Variants in CHSY3 observed in about 807,000 individuals in gnomAD.
CHSY3 encodes chondroitin sulfate synthase 3.
In CHSY3, 35 loss-of-function variants were observed where a neutral mutation model predicts 67.2. The ratio of observed to expected loss-of-function variants is 0.52; its 90% CI spans 0.40 to 0.69. CHSY3 has a LOEUF of 0.69. Among genes scored for constraint, CHSY3 ranks in the 30% least tolerant of loss-of-function variants. The pLI, the probability that CHSY3 is intolerant of heterozygous loss-of-function variation, is 0.00. For synonymous variants in CHSY3, 474 were observed against 434.7 expected (o/e 1.09, Z -1.12); for missense variants, 1,069 against 1,138.5 (o/e 0.94, Z 0.88).
intron 2 of CHSY3, among the ~76,000 whole-genome samples, chr5:130,052,846 A>G (rs1765406612): frequency 6.6e-6 from 1 of 152,156 alleles, no homozygotes; most frequent in Non-Finnish European, 1.5e-5. Context: ...GCTACATAAG[A>G]CAGAAAAATG....
chr5:129,984,436 C>T (rs990116577), intron 2 of CHSY3, among the ~76,000 whole-genome samples: 1 of 151,988 alleles, frequency 6.6e-6, no homozygotes, highest in Non-Finnish European at 1.5e-5. Flanking sequence ...CCATTGATGG[C>T]CATATAGGTT....
At chr5:129,913,568 T>C (rs565613453) in intron 2 of CHSY3, among the ~76,000 whole-genome samples, 1 of 152,296 alleles carries the variant, frequency 6.6e-6, no homozygotes, top group East Asian at 1.9e-4. Context: ...TGTTTTTTGA[T>C]TTTGTTTTTA....
intron 2 of CHSY3, among the ~76,000 whole-genome samples, chr5:129,911,025 A>G (rs568366855): frequency 6.8e-6 from 1 of 146,554 alleles, no homozygotes; most frequent in South Asian, 2.1e-4. Context: ...AAGTTCTTTC[A>G]GAGTTGAGAG....
At chr5:130,030,127 G>GT (rs1395868100) in intron 2 of CHSY3, among the ~76,000 whole-genome samples, 1 of 152,000 alleles carries the variant, frequency 6.6e-6, no homozygotes, top group East Asian at 1.9e-4. Flanking sequence ...ATGGTATGCT[G>GT]TTTTTTATTA....
At chr5:129,937,315 A>G (rs1245965409) in intron 2 of CHSY3, among the ~76,000 whole-genome samples, 3 of 152,158 alleles carry the variant, frequency 2.0e-5, no homozygotes, top group African/African-American at 4.8e-5. Context: ...AGTGCTACAC[A>G]CTTTGAAACA....
At chr5:129,974,502 G>A (rs1447053565) in intron 2 of CHSY3, among the ~76,000 whole-genome samples, 1 of 152,024 alleles carries the variant, frequency 6.6e-6, no homozygotes, top group Non-Finnish European at 1.5e-5. Context: ...GGAATTCTTT[G>A]TCTCCGCTGA....
chr5:130,016,665 TC>T (rs1370841839), intron 2 of CHSY3, among the ~76,000 whole-genome samples: 1 of 152,220 alleles, frequency 6.6e-6, no homozygotes, highest in Non-Finnish European at 1.5e-5. Flanking sequence ...CGCCTTGGCC[TC>T]CCGAAGTGCT....
intron 2 of CHSY3, among the ~76,000 whole-genome samples, chr5:129,960,516 A>T (rs542158418): frequency 6.6e-6 from 1 of 152,050 alleles, no homozygotes; most frequent in South Asian, 2.1e-4. Context: ...GCCAGTCATC[A>T]TGCTACATTT....
chr5:130,141,830 TA>T (rs1768876437), intron 2 of CHSY3: 1 of 376,900 alleles, frequency 2.7e-6, no homozygotes, highest in Non-Finnish European at 5.2e-6. Context: ...TGCAACCACA[TA>T]ATTACCAACC....
chr5:129,928,649 A>G (rs1344319252), intron 2 of CHSY3, among the ~76,000 whole-genome samples: 3 of 152,160 alleles, frequency 2.0e-5, no homozygotes, highest in Non-Finnish European at 4.4e-5. Flanking sequence ...TAGAATTAAA[A>G]CTATGCTAAA....
intron 2 of CHSY3, among the ~76,000 whole-genome samples, chr5:130,079,402 C>A (rs577651173): frequency 6.6e-6 from 1 of 152,164 alleles, no homozygotes; most frequent in African/African-American, 2.4e-5. Flanking sequence ...CTTTTTCTGG[C>A]TATTTTTCAA....
intron 2 of CHSY3, among the ~76,000 whole-genome samples, chr5:130,007,117 A>C (rs1166923465): frequency 6.6e-6 from 1 of 152,202 alleles, no homozygotes; most frequent in East Asian, 1.9e-4. Flanking sequence ...CATAAACAAA[A>C]TATTATACCA....
chr5:130,122,378 G>C (rs980825095), intron 2 of CHSY3, among the ~76,000 whole-genome samples: 2 of 152,104 alleles, frequency 1.3e-5, no homozygotes, highest in African/African-American at 4.8e-5. Context: ...CCAAACTGTT[G>C]ATTTGTGTGG....
chr5:130,174,202 T>C (rs1769976737), intron 2 of CHSY3, among the ~76,000 whole-genome samples: 2 of 152,046 alleles, frequency 1.3e-5, no homozygotes. Flanking sequence ...CTTCACTTCC[T>C]GGTAAAGGAA....
At chr5:130,129,081 G>A (rs1404531970) in intron 2 of CHSY3, among the ~76,000 whole-genome samples, 2 of 152,112 alleles carry the variant, frequency 1.3e-5, no homozygotes, top group Non-Finnish European at 2.9e-5. Context: ...GGTGGACACA[G>A]AAAGTCCTAT....
intron 2 of CHSY3, among the ~76,000 whole-genome samples, chr5:130,009,384 G>GA (rs1249358157): frequency 1.3e-5 from 2 of 151,480 alleles, no homozygotes; most frequent in Non-Finnish European, 2.9e-5. Flanking sequence ...CTAAACGAAG[G>GA]AAAAATATAA....
intron 2 of CHSY3, among the ~76,000 whole-genome samples, chr5:130,004,195 A>C (rs767820049): frequency 6.6e-6 from 1 of 152,154 alleles, no homozygotes; most frequent in African/African-American, 2.4e-5. Flanking sequence ...GTTGTTTCTC[A>C]TTTGTTTTTG....
chr5:130,054,853 G>A (rs1262891379), intron 2 of CHSY3, among the ~76,000 whole-genome samples: 1 of 152,226 alleles, frequency 6.6e-6, no homozygotes, highest in Non-Finnish European at 1.5e-5. Flanking sequence ...CAGAGTTGGA[G>A]TGTACTAGTA....
At chr5:130,007,209 C>T (rs1763901309) in intron 2 of CHSY3, among the ~76,000 whole-genome samples, 1 of 152,086 alleles carries the variant, frequency 6.6e-6, no homozygotes, top group Admixed American at 6.5e-5. Flanking sequence ...ATTTAACATC[C>T]TCTTACACAT....
Sources: allele counts gnomAD v4.1 joint callset (sites outside exome capture counted in the v4.1 genomes callset), GRCh38; gene constraint gnomAD v4.1.1; transcripts MANE v1.5; gene names NCBI Gene and HGNC (gene_info 2026-07-23, HGNC 2026-07-21).